ABCC11: variants seen among roughly 807,000 people sequenced by gnomAD.
ABCC11 encodes ATP binding cassette subfamily C member 11.
In ABCC11, 135 loss-of-function variants were observed where a neutral mutation model predicts 149.3. That is an observed-to-expected ratio of 0.90 (90% CI 0.79 to 1.04). ABCC11 has a LOEUF of 1.04. ABCC11 is among the 50% of genes least tolerant of loss of function. ABCC11 has a pLI of 0.00. For missense variants in ABCC11, 1,680 were observed against 1,722.1 expected, an observed-to-expected ratio of 0.98 and a Z score of 0.43; for synonymous variants, 665 against 671.4, an observed-to-expected ratio of 0.99 and a Z score of 0.15.
At chr16:48,244,354 CTT>C (rs1567300864) in intron 1 of ABCC11, 1 of 1,476,040 alleles carries the variant, frequency 6.8e-7, no homozygotes, top group Admixed American at 2.1e-5. Flanking sequence ...CTGTCTGGCT[CTT>C]TTTGACAGCC....
Position 48,193,975 on chromosome 16 carries a change from C to A in ABCC11, c.2412G>T (p.Met804Ile). The change falls in exon 19 of 30, where the codon ATG becomes ATT. Residue 804 changes from methionine (M) to isoleucine (I), a missense_variant. By Grantham distance (10) the Met-to-Ile change is conservative. Coordinates refer to ENST00000356608, the MANE Select transcript of ABCC11 (RefSeq NM_001370497.1). ...CGAAGAAGAAAATTATGCAAGAGACCATGTAACCTGGGAGGGAGACAGTGG... is the reference window on the plus strand; with the variant it reads ...CGAAGAAGAAAATTATGCAAGAGACAATGTAACCTGGGAGGGAGACAGTGG... Reference protein sequence around the residue: ...HHYIQAAGGYMVSCIIFFFVV... With the variant: ...HHYIQAAGGYIVSCIIFFFVV... The A allele has an allele frequency of 1.2e-6, 2 of 1,611,496 alleles. No homozygotes were observed. The highest frequency in any genetic ancestry group is 1.7e-6 in the Non-Finnish European group (2 of 1,177,798).
At chr16:48,241,977 A>G in intron 1 of ABCC11, among the ~76,000 whole-genome samples, 1 of 152,260 alleles carries the variant, frequency 6.6e-6, no homozygotes. Flanking sequence ...TTCAGGACAT[A>G]AGCATGGGCA....
intron 11 of ABCC11, 28 bp downstream of exon 11, chr16:48,210,920 C>T: frequency 6.2e-7 from 1 of 1,605,892 alleles, no homozygotes; most frequent in Non-Finnish European, 8.5e-7. Flanking sequence ...TGGCAGCTGG[C>T]CTGCCTGCGT....
At chr16:48,192,170 G>A (rs1227131750) in intron 20 of ABCC11, among the ~76,000 whole-genome samples, 1 of 152,018 alleles carries the variant, frequency 6.6e-6, no homozygotes, top group South Asian at 2.1e-4. Flanking sequence ...TAGGCCGGGG[G>A]TGGTGGCTCA....
In ABCC11 at chr16:48,196,323, T is replaced by C; in HGVS notation, c.2315-2A>G. ...CCTGTGTGAGCTGATGCTCCGGCAC[T>C]GGGTCAGGGTAGAAGAAGAGAAAAG... On this transcript the variant is annotated splice_acceptor_variant, in intron 17 of 29. Transcript: ENST00000356608. LOFTEE classifies it high-confidence loss of function. The C allele has an allele frequency of 6.2e-7, 1 of 1,613,760 alleles. No homozygotes were observed. Among genetic ancestry groups the C allele is most frequent in the Non-Finnish European group, 8.5e-7 (1 of 1,179,834 alleles).
chr16:48,231,679 GA>G, intron 2 of ABCC11, 143 bp downstream of exon 2: 1 of 1,118,196 alleles, frequency 8.9e-7, no homozygotes, highest in Non-Finnish European at 1.2e-6. Flanking sequence ...AAAAAAAAGA[GA>G]GAGAGAGAGA....
intron 4 of ABCC11, among the ~76,000 whole-genome samples, chr16:48,226,068 G>C (rs1455796552): frequency 7.9e-6 from 1 of 126,742 alleles, no homozygotes; most frequent in African/African-American, 3.4e-5. Context: ...TGTGTTTCCA[G>C]GTACATTATT....
chr16:48,199,846 T>A lies in ABCC11; in HGVS notation c.2082+430A>T, dbSNP rs75125372. Among the ~76,000 whole-genome samples, 942 of 151,948 alleles carry A rather than the reference T, an allele frequency of 6.2e-3. 8 individuals are homozygous for A. Among genetic ancestry groups the A allele is most frequent in the African/African-American group, 0.02 (817 of 41,450 alleles). ...CACCACAACACCTGGCTAATTTTTTTAAATTTTTGTAGAGATGGGAGGTCT... is the reference window on the plus strand; with the variant it reads ...CACCACAACACCTGGCTAATTTTTTAAAATTTTTGTAGAGATGGGAGGTCT... On this transcript the variant is annotated intron_variant, in intron 15 of 29. Transcript: ENST00000356608.
chr16:48,208,723 AG>A (rs1968659672), intron 11 of ABCC11, among the ~76,000 whole-genome samples: 4 of 152,174 alleles, frequency 2.6e-5, no homozygotes, highest in Non-Finnish European at 5.9e-5. Context: ...GGAAAGGCAG[AG>A]GGGAATTCAG....
At chr16:48,222,218 A>G (rs1176282793) in intron 6 of ABCC11, among the ~76,000 whole-genome samples, 1 of 151,944 alleles carries the variant, frequency 6.6e-6, no homozygotes, top group Non-Finnish European at 1.5e-5. Flanking sequence ...ATGAGCCACC[A>G]CAGATGGCTG....
At chr16:48,199,892 T>C (rs1967796472) in intron 15 of ABCC11, among the ~76,000 whole-genome samples, 1 of 151,930 alleles carries the variant, frequency 6.6e-6, no homozygotes, top group African/African-American at 2.4e-5. Flanking sequence ...CCCAGGCTGG[T>C]CTTGAACTCC....
rs763566969 is a variant in ABCC11 at position 48,192,500 on chromosome 16, C to T, written c.2706+20G>A. The T allele has an allele frequency of 1.2e-6, 2 of 1,613,692 alleles. No homozygotes were observed. The highest frequency in any genetic ancestry group is 1.7e-6 in the Non-Finnish European group (2 of 1,179,670). On this transcript the variant is annotated intron_variant, in intron 20 of 29. Transcript: ENST00000356608. ...GTTCAGAGCTCAGCCTTCGGCCCCA[C>T]CCAGCACCCAGGCCCATACCTTGTT...
intron 11 of ABCC11, chr16:48,209,261 T>G (rs1330146852): frequency 6.6e-6 from 1 of 152,244 alleles, no homozygotes; most frequent in Non-Finnish European, 1.5e-5. Context: ...CTGAAGGGTT[T>G]AAGGAGAGTG....
Position 48,222,605 on chromosome 16 carries a change from GA to G in ABCC11, c.769del (p.Ser257GlnfsTer12). Reference sequence around the variant, plus strand: ...GCAGTCCCAGCTGCTTACCTCTCCTGAGGTGATGTGTATTACAGACTTAAAT... The same window carrying G: ...GCAGTCCCAGCTGCTTACCTCTCCTGGGTGATGTGTATTACAGACTTAAAT... ...IQFKSVIHIT[S>X]GEAISFFTGD... On this transcript the variant is annotated frameshift_variant, in exon 6 of 30. Coordinates refer to ENST00000356608, the MANE Select transcript of ABCC11 (RefSeq NM_001370497.1). LOFTEE classifies it high-confidence loss of function. The G allele has an allele frequency of 1.9e-6, 3 of 1,613,894 alleles. No homozygotes were observed. The highest frequency in any genetic ancestry group is 2.5e-6 in the Non-Finnish European group (3 of 1,179,780).
chr16:48,245,998 G>T (rs1212904471), intron 1 of ABCC11, among the ~76,000 whole-genome samples: 1 of 151,992 alleles, frequency 6.6e-6, no homozygotes, highest in African/African-American at 2.4e-5. Flanking sequence ...ACTCTGAATG[G>T]ATTTCCGGAG....
intron 1 of ABCC11, among the ~76,000 whole-genome samples, chr16:48,237,845 C>G (rs1301645429): frequency 6.6e-6 from 1 of 152,182 alleles, no homozygotes; most frequent in Non-Finnish European, 1.5e-5. Context: ...GCCCTTGGCC[C>G]CCACCCCCTA....
At chr16:48,209,933 G>A (rs188842623) in intron 11 of ABCC11, 7 of 152,588 alleles carry the variant, frequency 4.6e-5, no homozygotes, top group Admixed American at 3.9e-4. Flanking sequence ...GCAGAGAGGT[G>A]GATGAGGAGG....
At chr16:48,231,660 C>CAAA (rs57185310) in intron 2 of ABCC11, among the ~76,000 whole-genome samples, 163 bp downstream of exon 2, 17 of 78,104 alleles carry the variant, frequency 2.2e-4, no homozygotes, top group African/African-American at 4.5e-4. Flanking sequence ...GACCCTGAGT[C>CAAA]AAAAAAAAAA....
At chr16:48,229,503 C>T (rs542290121) in intron 3 of ABCC11, among the ~76,000 whole-genome samples, 2 of 141,814 alleles carry the variant, frequency 1.4e-5, no homozygotes, top group South Asian at 2.2e-4. Flanking sequence ...TGTCACCCAG[C>T]CCGGACTGCG....
Sources: allele counts gnomAD v4.1 joint callset (sites outside exome capture counted in the v4.1 genomes callset), GRCh38; gene constraint gnomAD v4.1.1; transcripts MANE v1.5; gene names NCBI Gene and HGNC (gene_info 2026-07-23, HGNC 2026-07-21).